The following ABCA13 variants were observed in gnomAD, a reference collection of about 807,000 sequenced individuals.
ABCA13 encodes ATP binding cassette subfamily A member 13.
In ABCA13, 476 loss-of-function variants were observed where a neutral mutation model predicts 478.7. The observed-to-expected ratio is 0.99, with a 90% CI of 0.92 to 1.07. The LOEUF (loss-of-function observed/expected upper bound fraction) is 1.07, where lower values mean the gene tolerates loss of function less well. ABCA13 is among the 50% of genes least tolerant of loss of function. The probability of loss-of-function intolerance (pLI) is 0.00; values close to 1 mark genes in which losing one functional copy is unlikely to be tolerated. For missense variants in ABCA13, 6,060 were observed against 5,910.6 expected, an observed-to-expected ratio of 1.03 and a Z score of -0.83; for synonymous variants, 2,252 against 2,158.9, an observed-to-expected ratio of 1.04 and a Z score of -1.20.
At chr7:48,549,829 C>T (rs6583452) in intron 55 of ABCA13, among the ~76,000 whole-genome samples, 21,307 of 151,704 alleles carry the variant, frequency 0.14, 2,072 homozygotes, top group African/African-American at 0.23. Flanking sequence ...TGTTGAGCTT[C>T]TTTCATGTTT....
intron 43 of ABCA13, among the ~76,000 whole-genome samples, chr7:48,456,565 T>C (rs537545174): frequency 5.6e-4 from 85 of 152,342 alleles, no homozygotes; most frequent in African/African-American, 1.9e-3. Context: ...ATGATATACA[T>C]AATACTTGTA....
At chr7:48,611,055 G>A (rs1298697911) in intron 58 of ABCA13, among the ~76,000 whole-genome samples, 1 of 152,150 alleles carries the variant, frequency 6.6e-6, no homozygotes, top group African/African-American at 2.4e-5. Context: ...CTCAGAAAAT[G>A]TGTTTTTCTT....
chr7:48,513,879 GA>G (rs1831902231), intron 51 of ABCA13, among the ~76,000 whole-genome samples: 1 of 152,158 alleles, frequency 6.6e-6, no homozygotes. Flanking sequence ...ATAGCCCGTT[GA>G]AAACCACACT....
At chr7:48,360,087 AC>A (rs1261363429) in intron 31 of ABCA13, among the ~76,000 whole-genome samples, 5 of 151,966 alleles carry the variant, frequency 3.3e-5, no homozygotes, top group African/African-American at 1.2e-4. Flanking sequence ...CATGTGCACA[AC>A]GTGCAGGTTT....
chr7:48,613,734 T>C (rs1247490938), intron 58 of ABCA13, among the ~76,000 whole-genome samples: 1 of 150,432 alleles, frequency 6.6e-6, no homozygotes, highest in East Asian at 1.9e-4. Context: ...TTTCATTTTT[T>C]TTCTTCCTTT....
At chr7:48,201,378 G>A (rs768072470) in intron 3 of ABCA13, among the ~76,000 whole-genome samples, 54 of 152,250 alleles carry the variant, frequency 3.5e-4, no homozygotes, top group Non-Finnish European at 6.8e-4. Flanking sequence ...TTACGCTCTC[G>A]GGCATAAAGA....
intron 55 of ABCA13, among the ~76,000 whole-genome samples, chr7:48,554,634 T>A (rs377477508): frequency 6.6e-6 from 1 of 151,806 alleles, no homozygotes; most frequent in African/African-American, 2.4e-5. Flanking sequence ...TTGTTCACTG[T>A]TGTCATGTAG....
intron 15 of ABCA13, among the ~76,000 whole-genome samples, chr7:48,265,130 A>C (rs975927099): frequency 2.0e-5 from 3 of 151,800 alleles, no homozygotes; most frequent in Middle Eastern, 6.8e-3. Context: ...TCTGTATTTT[A>C]TCCCAGTGTT....
At chr7:48,418,651 A>G (rs1178823569) in intron 41 of ABCA13, among the ~76,000 whole-genome samples, 1 of 152,214 alleles carries the variant, frequency 6.6e-6, no homozygotes, top group African/African-American at 2.4e-5. Context: ...AGGTCAAATC[A>G]TATAATTAAA....
chr7:48,364,642 C>A (rs1016100976), intron 31 of ABCA13, among the ~76,000 whole-genome samples: 1 of 152,128 alleles, frequency 6.6e-6, no homozygotes, highest in Admixed American at 6.6e-5. Flanking sequence ...TTAGCTCCCA[C>A]GTATGAGTTA....
intron 29 of ABCA13, among the ~76,000 whole-genome samples, chr7:48,341,008 A>T (rs940114774): frequency 3.9e-5 from 6 of 152,176 alleles, no homozygotes; most frequent in Non-Finnish European, 5.9e-5. Flanking sequence ...GTTCTGAAAG[A>T]TGCAGATTTA....
chr7:48,338,657 C>T (rs1318023754), intron 29 of ABCA13, among the ~76,000 whole-genome samples: 3 of 152,080 alleles, frequency 2.0e-5, no homozygotes, highest in South Asian at 2.1e-4. Context: ...GAAGTTTTTT[C>T]GATTCACTGA....
At chr7:48,187,017 G>T (rs919815334) in intron 1 of ABCA13, among the ~76,000 whole-genome samples, 30 of 135,402 alleles carry the variant, frequency 2.2e-4, no homozygotes, top group African/African-American at 7.7e-4. Flanking sequence ...ATATGTGTGT[G>T]TGTATATATA....
rs201281803 is a variant in ABCA13 at position 48,276,476 on chromosome 7, A to G, written c.6810A>G (p.Thr2270=). Reference sequence around the variant, plus strand: ...ATTTCACAGAACAGTTTTTGAAAACATTCTTCTCCCTTTTTCTAAAGGAAG... The same window carrying G: ...ATTTCACAGAACAGTTTTTGAAAACGTTCTTCTCCCTTTTTCTAAAGGAAG... ...IVDFTEQFLK[T]FFSLFLKEDS... The change falls in exon 17 of 62, where the codon ACA becomes ACG. Residue 2270 remains threonine (T), a synonymous_variant. Coordinates refer to ENST00000435803, the MANE Select transcript of ABCA13 (RefSeq NM_152701.5). The G allele has an allele frequency of 2.3e-4, 367 of 1,605,816 alleles. No individual in the cohort carries two copies. Among genetic ancestry groups the G allele is most frequent in the Admixed American group, 5.3e-4 (31 of 58,378 alleles).
At chr7:48,437,837 C>G (rs1024366367) in intron 42 of ABCA13, among the ~76,000 whole-genome samples, 4 of 152,022 alleles carry the variant, frequency 2.6e-5, no homozygotes, top group African/African-American at 9.7e-5. Context: ...GGCATGTAGC[C>G]TATCTGAGCC....
At chr7:48,482,631 T>C (rs1306993528) in intron 46 of ABCA13, among the ~76,000 whole-genome samples, 1 of 151,922 alleles carries the variant, frequency 6.6e-6, no homozygotes, top group Non-Finnish European at 1.5e-5. Context: ...TGACCTCAGG[T>C]GGTCCATCTG....
chr7:48,433,327 A>T (rs137909934), intron 42 of ABCA13, among the ~76,000 whole-genome samples: 21 of 151,638 alleles, frequency 1.4e-4, no homozygotes, highest in African/African-American at 4.8e-4. Context: ...TAAAAAACAA[A>T]GAAAAATAAA....
intron 20 of ABCA13, among the ~76,000 whole-genome samples, chr7:48,288,800 T>C (rs1275580392): frequency 6.6e-6 from 1 of 152,164 alleles, no homozygotes; most frequent in African/African-American, 2.4e-5. Context: ...TAGGCTCCCA[T>C]GCAGGGTCTC....
At chr7:48,234,773 G>C (rs1789697141) in intron 8 of ABCA13, among the ~76,000 whole-genome samples, 1 of 152,148 alleles carries the variant, frequency 6.6e-6, no homozygotes, top group Non-Finnish European at 1.5e-5. Flanking sequence ...GCATGGTGCA[G>C]GTCCAAGAAC....
Sources: allele counts gnomAD v4.1 joint callset (sites outside exome capture counted in the v4.1 genomes callset), GRCh38; gene constraint gnomAD v4.1.1; transcripts MANE v1.5; gene names NCBI Gene and HGNC (gene_info 2026-07-23, HGNC 2026-07-21).